Variants in ANKS1B observed in about 807,000 individuals in gnomAD.
ANKS1B encodes ankyrin repeat and sterile alpha motif domain containing 1B, also known as ankyrin repeat and sterile alpha motif domain-containing protein 1B.
A neutral mutation model predicts 148.3 loss-of-function variants in ANKS1B; 36 were observed. The observed-to-expected ratio is 0.24, with a 90% CI of 0.19 to 0.32. ANKS1B has a LOEUF of 0.32. ANKS1B is among the 10% of genes least tolerant of loss of function. The probability of loss-of-function intolerance (pLI) is 1.00; values close to 1 mark genes in which losing one functional copy is unlikely to be tolerated. For missense variants in ANKS1B, 1,157 were observed against 1,542.6 expected (o/e 0.75, Z 4.19); for synonymous variants, 542 against 560.8 (o/e 0.97, Z 0.47).
chr12:98,736,245 C>T (rs1451712154), intron 9 of ANKS1B, among the ~76,000 whole-genome samples: 1 of 152,190 alleles, frequency 6.6e-6, no homozygotes. Flanking sequence ...CTTTTGTAAT[C>T]ATCCGGACAA....
intron 17 of ANKS1B, among the ~76,000 whole-genome samples, chr12:98,962,377 G>A (rs1487745640): frequency 6.7e-6 from 1 of 149,048 alleles, no homozygotes; most frequent in Non-Finnish European, 1.5e-5. Flanking sequence ...TTCAGCAAGA[G>A]GATATAACAA....
chr12:99,584,906 A>T (rs1023948890), intron 9 of ANKS1B, among the ~76,000 whole-genome samples: 1 of 152,026 alleles, frequency 6.6e-6, no homozygotes, highest in Non-Finnish European at 1.5e-5. Context: ...ACACATGGGG[A>T]TTATGGGAGC....
chr12:99,585,188 C>T (rs952702264), intron 9 of ANKS1B, among the ~76,000 whole-genome samples: 1 of 152,112 alleles, frequency 6.6e-6, no homozygotes, highest in Non-Finnish European at 1.5e-5. Context: ...GAGGTCCAGG[C>T]ATTGGGTAAA....
intron 17 of ANKS1B, among the ~76,000 whole-genome samples, chr12:98,843,917 T>G (rs551140299): frequency 4.7e-4 from 72 of 152,282 alleles, no homozygotes; most frequent in African/African-American, 1.6e-3. Context: ...AATTGCTGAA[T>G]CAGTTTTCTG....
intron 17 of ANKS1B, among the ~76,000 whole-genome samples, chr12:98,867,860 CA>C (rs201913809): frequency 0.03 from 3,518 of 116,946 alleles, 48 homozygotes; most frequent in African/African-American, 0.06. Flanking sequence ...GACTCCATCT[CA>C]AAAAAAAAAA....
chr12:99,494,688 G>A (rs890766868), intron 10 of ANKS1B, among the ~76,000 whole-genome samples: 5 of 134,776 alleles, frequency 3.7e-5, no homozygotes, highest in South Asian at 2.4e-4. Context: ...AGCCGAGATC[G>A]TGCCCCTGCA....
chr12:99,129,620 T>C (rs1566290534), intron 15 of ANKS1B, among the ~76,000 whole-genome samples: 1 of 152,216 alleles, frequency 6.6e-6, no homozygotes, highest in African/African-American at 2.4e-5. Flanking sequence ...AAATTCAGCA[T>C]GAAAATGGAG....
chr12:99,800,518 T>A (rs2066821912), intron 4 of ANKS1B, among the ~76,000 whole-genome samples: 2 of 149,724 alleles, frequency 1.3e-5, no homozygotes, highest in African/African-American at 4.9e-5. Context: ...ATGGTGTTAA[T>A]CTTGAAGATA....
At chr12:99,677,907 C>A (rs1273391410) in intron 8 of ANKS1B, among the ~76,000 whole-genome samples, 1 of 152,076 alleles carries the variant, frequency 6.6e-6, no homozygotes, top group Non-Finnish European at 1.5e-5. Context: ...TGGGAGGTGG[C>A]GGTTGCAGTG....
At chr12:99,554,035 C>A (rs1268868120) in intron 9 of ANKS1B, among the ~76,000 whole-genome samples, 1 of 152,068 alleles carries the variant, frequency 6.6e-6, no homozygotes, top group East Asian at 1.9e-4. Context: ...AGAAAAACTG[C>A]CTGTGGGTGA....
At chr12:99,444,161 G>A (rs891255929) in intron 10 of ANKS1B, among the ~76,000 whole-genome samples, 4 of 151,702 alleles carry the variant, frequency 2.6e-5, no homozygotes, top group African/African-American at 9.7e-5. Context: ...GATATGATTG[G>A]GCTAAAGCTT....
Position 99,712,041 on chromosome 12 carries a change from G to T in ANKS1B, c.1129-56831C>A, listed in dbSNP as rs533815776. Among the ~76,000 whole-genome samples the T allele has an allele frequency of 2.6e-5, 4 of 152,302 alleles. No homozygotes were observed. The South Asian group carries it at 8.3e-4, about 32-fold the overall frequency. ...AAAAAATAATGAGATCATGTCCTTT[G>T]CAGGGACATGGCTGGAGCTGGAGGC... is the stretch of plus-strand genomic sequence containing the variant. On this transcript the variant is annotated intron_variant, in intron 8 of 26. Coordinates refer to ENST00000683438, the MANE Select transcript of ANKS1B (RefSeq NM_001352186.2).
chr12:99,296,245 T>C (rs1337653519), intron 12 of ANKS1B, among the ~76,000 whole-genome samples: 1 of 152,202 alleles, frequency 6.6e-6, no homozygotes, highest in Non-Finnish European at 1.5e-5. Flanking sequence ...TTATACTATA[T>C]CTTGAAGTCA....
At chr12:99,032,850 C>T (rs2099953118) in intron 17 of ANKS1B, among the ~76,000 whole-genome samples, 1 of 152,084 alleles carries the variant, frequency 6.6e-6, no homozygotes, top group Non-Finnish European at 1.5e-5. Context: ...TGTTTTATTT[C>T]ACATTTTAAA....
chr12:99,078,789 C>T (rs541433740), intron 16 of ANKS1B, among the ~76,000 whole-genome samples: 39 of 140,734 alleles, frequency 2.8e-4, no homozygotes, highest in African/African-American at 8.9e-4. Flanking sequence ...CTGGTATTCA[C>T]GCCCTTGTGT....
intron 17 of ANKS1B, among the ~76,000 whole-genome samples, chr12:99,018,775 T>A (rs1355419791): frequency 1.3e-5 from 2 of 152,138 alleles, no homozygotes; most frequent in African/African-American, 2.4e-5. Context: ...AAACCCCATC[T>A]CTACTAAAAA....
At chr12:99,656,138 GAT>G (rs1209219017) in intron 8 of ANKS1B, among the ~76,000 whole-genome samples, 2 of 152,116 alleles carry the variant, frequency 1.3e-5, no homozygotes, top group African/African-American at 4.8e-5. Context: ...TAAGACTACA[GAT>G]ATACTGAGTC....
chr12:99,887,744 C>T (rs1330408987), intron 1 of ANKS1B, among the ~76,000 whole-genome samples: 1 of 152,192 alleles, frequency 6.6e-6, no homozygotes, highest in African/African-American at 2.4e-5. Context: ...TGAATAGCCA[C>T]TTGATGTTAA....
intron 17 of ANKS1B, among the ~76,000 whole-genome samples, chr12:98,918,343 G>A (rs2099797146): frequency 6.6e-6 from 1 of 152,214 alleles, no homozygotes; most frequent in Admixed American, 6.5e-5. Flanking sequence ...GGGGCTGGGT[G>A]GGACCATGTG....
Sources: gnomAD v4.1 joint callset for allele counts (sites outside exome capture counted in the v4.1 genomes callset) on GRCh38, gnomAD v4.1.1 for gene constraint, MANE v1.5 for transcripts, NCBI Gene and HGNC (gene_info 2026-07-23, HGNC 2026-07-21) for gene names.